PJA2: variants seen among roughly 807,000 people sequenced by gnomAD.
The protein encoded by PJA2 is E3 ubiquitin-protein ligase Praja-2.
A neutral mutation model predicts 69.3 loss-of-function variants in PJA2; 25 were observed. The ratio of observed to expected loss-of-function variants is 0.36; its 90% CI spans 0.26 to 0.50. The LOEUF (loss-of-function observed/expected upper bound fraction) is 0.50, where lower values mean the gene tolerates loss of function less well. PJA2 is among the 20% of genes least tolerant of loss of function. The pLI is 0.96. For missense variants in PJA2, 809 were observed against 830.2 expected (o/e 0.97, Z 0.31); for synonymous variants, 308 against 277.8 (o/e 1.11, Z -1.08).
intron 1 of PJA2, among the ~76,000 whole-genome samples, chr5:109,394,507 CTG>C (rs1747360038): frequency 6.6e-6 from 1 of 152,184 alleles, no homozygotes; most frequent in South Asian, 2.1e-4. Context: ...CATTTTGGGT[CTG>C]TGAGTGATTT....
chr5:109,358,723 A>T (rs1216262425), intron 6 of PJA2, among the ~76,000 whole-genome samples: 1 of 152,206 alleles, frequency 6.6e-6, no homozygotes, highest in Non-Finnish European at 1.5e-5. Flanking sequence ...TGGGAGGCTG[A>T]GGCTGGACAA....
At chr5:109,338,597 A>G (rs1761986185) in intron 9 of PJA2, among the ~76,000 whole-genome samples, 1 of 142,316 alleles carries the variant, frequency 7.0e-6, no homozygotes, top group Non-Finnish European at 1.5e-5. Flanking sequence ...AGACAGCACC[A>G]TTGCACTCCA....
At chr5:109,401,075 T>C (rs1424081886) in intron 1 of PJA2, among the ~76,000 whole-genome samples, 1 of 152,164 alleles carries the variant, frequency 6.6e-6, no homozygotes, top group Non-Finnish European at 1.5e-5. Flanking sequence ...GCAGACCACT[T>C]GAGGCCAGGA....
chr5:109,398,428 A>G (rs907677118), intron 1 of PJA2, among the ~76,000 whole-genome samples: 38 of 152,148 alleles, frequency 2.5e-4, no homozygotes, highest in Non-Finnish European at 4.7e-4. Context: ...CATATACACC[A>G]TGCAATACTA....
At chr5:109,372,464 G>C (rs1762688829) in intron 4 of PJA2, among the ~76,000 whole-genome samples, 1 of 152,060 alleles carries the variant, frequency 6.6e-6, no homozygotes, top group African/African-American at 2.4e-5. Flanking sequence ...TCATGAACTA[G>C]ACTTCTTGTT....
chr5:109,396,780 AGGGGTG>A (rs1177379599), intron 1 of PJA2, among the ~76,000 whole-genome samples: 5 of 9,436 alleles, frequency 5.3e-4, no homozygotes, highest in South Asian at 2.1e-3. Flanking sequence ...AAAAAAAGGC[AGGGGTG>A]GGGGTGGGGG....
chr5:109,409,126 T>A (rs1400998898), intron 1 of PJA2: 1 of 152,172 alleles, frequency 6.6e-6, no homozygotes, highest in Non-Finnish European at 1.5e-5. Flanking sequence ...CCATTTTGAA[T>A]GTGCGCAAAA....
At position 109,394,326 on chromosome 5, in the gene PJA2, G is replaced by C. The variant is rs146943472; in HGVS notation, c.-87-10806C>G. Among the ~76,000 whole-genome samples, 977 of 151,964 alleles carry C rather than the reference G, an allele frequency of 6.4e-3. 8 individuals are homozygous for C. The highest frequency in any genetic ancestry group is 0.022 in the African/African-American group (925 of 41,266). On this transcript the variant is annotated intron_variant, in intron 1 of 9. Transcript: ENST00000361189. ...GCCTCTCAAAGTGCTGGGATTACAG[G>C]TGTGAGCCGCCATGCCCAGCCACAT... is the stretch of plus-strand genomic sequence containing the variant.
chr5:109,354,076 T>G (rs189054819), intron 7 of PJA2, among the ~76,000 whole-genome samples: 1 of 125,478 alleles, frequency 8.0e-6, no homozygotes, highest in South Asian at 2.5e-4. Flanking sequence ...GAGATATCTA[T>G]AGATTAGATA....
At chr5:109,349,534 G>T (rs1033951644) in intron 7 of PJA2, among the ~76,000 whole-genome samples, 7 of 152,172 alleles carry the variant, frequency 4.6e-5, no homozygotes, top group African/African-American at 1.7e-4. Flanking sequence ...GGACAGTTCT[G>T]CAGTACAGCA....
intron 4 of PJA2, among the ~76,000 whole-genome samples, chr5:109,377,053 A>G (rs1426114188): frequency 1.3e-5 from 2 of 152,152 alleles, no homozygotes; most frequent in Non-Finnish European, 2.9e-5. Flanking sequence ...TTAGCTTAAA[A>G]ACAGTATATC....
In PJA2 at chr5:109,383,443, C is replaced by T. The variant is rs145526473; in HGVS notation, c.-10G>A. 11 of 1,610,698 alleles carry T rather than the reference C, an allele frequency of 6.8e-6. No individual in the cohort carries two copies. The highest frequency in any genetic ancestry group is 3.3e-5 in the Admixed American group (2 of 59,862). On this transcript the variant is annotated 5_prime_UTR_variant, in exon 2 of 10. Transcript: ENST00000361189. ...CAGTGTACTGTGACATATATGGCAG[C>T]GTCTGTGTGACCAGTTCAGTAGAAT...
At chr5:109,390,122 T>A (rs907211038) in intron 1 of PJA2, among the ~76,000 whole-genome samples, 20 of 152,146 alleles carry the variant, frequency 1.3e-4, no homozygotes, top group African/African-American at 4.6e-4. Flanking sequence ...ATCATACCAT[T>A]CAAATTTCTT....
chr5:109,378,825 G>A lies in PJA2; in HGVS notation c.662C>T (p.Ser221Leu), dbSNP rs1746964865. 6.2e-7 allele frequency: 1 copy of A among 1,613,544 alleles called. No homozygotes were observed. Among genetic ancestry groups the A allele is most frequent in the Non-Finnish European group, 8.5e-7 (1 of 1,180,010 alleles). ...CTCATCTCTTACTTCACAGTTAAAT[G>A]AGGGAACTGGTGGTGAAAGACCAGT... The part of the protein sequence containing the change: ...AYTGLSPPVP[S>L]FNCEVRDEFE... The change falls in exon 4 of 10, where the codon TCA (serine) becomes TTA (leucine). Residue 221 changes from serine to leucine, a missense_variant. Around this residue, in one of 4 missense-constraint regions of PJA2, gnomAD observed 700 missense variants for 639.5 expected, o/e 1.09. Coordinates refer to ENST00000361189, the MANE Select transcript of PJA2 (RefSeq NM_014819.5).
chr5:109,408,985 C>A (rs569029932), intron 1 of PJA2: 1 of 152,168 alleles, frequency 6.6e-6, no homozygotes, highest in Admixed American at 6.5e-5. Context: ...TCAAAAGAAG[C>A]GCCTATGCGG....
At chr5:109,405,211 T>C (rs1747655861) in intron 1 of PJA2, among the ~76,000 whole-genome samples, 2 of 152,356 alleles carry the variant, frequency 1.3e-5, no homozygotes, top group East Asian at 3.9e-4. Flanking sequence ...ATTAAATACT[T>C]AGATATAAAT....
intron 1 of PJA2, among the ~76,000 whole-genome samples, chr5:109,385,032 G>T (rs757755997): frequency 3.3e-5 from 5 of 152,108 alleles, no homozygotes; most frequent in African/African-American, 4.8e-5. Flanking sequence ...GGTCAGGCTG[G>T]TCTCAAACTC....
chr5:109,407,013 G>C (rs1453075133), intron 1 of PJA2, among the ~76,000 whole-genome samples: 1 of 152,266 alleles, frequency 6.6e-6, no homozygotes, highest in South Asian at 2.1e-4. Context: ...AAGATGATAA[G>C]TGCTTTCCTA....
intron 6 of PJA2, among the ~76,000 whole-genome samples, chr5:109,360,559 C>T (rs1762489442): frequency 6.6e-6 from 1 of 152,110 alleles, no homozygotes; most frequent in Admixed American, 6.5e-5. Flanking sequence ...GGAAATGAAA[C>T]CACATTTTCA....
Sources: gnomAD v4.1 joint callset for allele counts (sites outside exome capture counted in the v4.1 genomes callset) on GRCh38, gnomAD v4.1.1 for gene constraint, gnomAD v4.1.1 regional missense constraint, MANE v1.5 for transcripts, NCBI Gene and HGNC (gene_info 2026-07-23, HGNC 2026-07-21) for gene names.